The following NFAT5 variants were observed in gnomAD, a reference collection of about 807,000 sequenced individuals.
NFAT5 encodes nuclear factor of activated T cells 5.
NFAT5 carries 31 observed loss-of-function variants against 166.5 expected under a neutral mutation model. That is an observed-to-expected ratio of 0.19 (90% CI 0.14 to 0.25). The LOEUF (loss-of-function observed/expected upper bound fraction) is 0.25, where lower values mean the gene tolerates loss of function less well. Ranked by LOEUF, NFAT5 falls within the 10% of genes least tolerant of loss-of-function variation. The pLI, the probability that NFAT5 is intolerant of heterozygous loss-of-function variation, is 1.00. For synonymous variants in NFAT5, 612 were observed against 639.7 expected, an observed-to-expected ratio of 0.96 and a Z score of 0.65; for missense variants, 1,449 against 1,821.8, an observed-to-expected ratio of 0.80 and a Z score of 3.72.
chr16:69,646,786 A>G (rs1166444936), intron 3 of NFAT5, among the ~76,000 whole-genome samples: 1 of 152,262 alleles, frequency 6.6e-6, no homozygotes, highest in Non-Finnish European at 1.5e-5. Context: ...AAAACGTTAA[A>G]TGAGATTTTA....
chr16:69,669,070 A>AT (rs1357685974), intron 7 of NFAT5, among the ~76,000 whole-genome samples: 3 of 151,782 alleles, frequency 2.0e-5, no homozygotes, highest in African/African-American at 4.8e-5. Context: ...AATTTTTTTG[A>AT]TTTTTTTGTA....
At chr16:69,652,453 G>GAA (rs74216983) in intron 4 of NFAT5, among the ~76,000 whole-genome samples, 3 of 60,636 alleles carry the variant, frequency 4.9e-5, no homozygotes, top group Admixed American at 1.9e-4. Context: ...CTCCATCTCA[G>GAA]AAAAAAAAAA....
chr16:69,602,286 T>G (rs2033169988), intron 2 of NFAT5, among the ~76,000 whole-genome samples: 1 of 151,318 alleles, frequency 6.6e-6, no homozygotes, highest in Non-Finnish European at 1.5e-5. Context: ...TTTTTTTTTT[T>G]GAAATGGAGT....
intron 3 of NFAT5, among the ~76,000 whole-genome samples, chr16:69,627,349 T>TTTTGA: frequency 5.8e-4 from 1 of 1,718 alleles, no homozygotes; most frequent in African/African-American, 2.8e-3. Flanking sequence ...TATATATATA[T>TTTTGA]ATATATATAT....
intron 2 of NFAT5, among the ~76,000 whole-genome samples, chr16:69,612,349 G>T (rs1279396413): frequency 1.3e-5 from 2 of 152,108 alleles, no homozygotes; most frequent in African/African-American, 4.8e-5. Flanking sequence ...CAAAAAGATG[G>T]TACATGTAGG....
intron 2 of NFAT5, among the ~76,000 whole-genome samples, chr16:69,584,552 A>G (rs2031915924): frequency 6.6e-6 from 1 of 151,984 alleles, no homozygotes; most frequent in Non-Finnish European, 1.5e-5. Context: ...CTGGTCTCGA[A>G]TTCCTGACCT....
At position 69,687,046 on chromosome 16, in the gene NFAT5, TAGA is replaced by T. The variant is rs750620132; in HGVS notation, c.1774+2080_1774+2082del. On this transcript the variant is annotated intron_variant, in intron 11 of 14. Transcript: ENST00000349945. ...AATGTACTACTAAATTGAAGTTGAC[TAGA>T]AGATTATTATTGAATTAACAAGATG... 2.6e-5 allele frequency among the ~76,000 whole-genome samples: 4 copies of T among 152,296 alleles called. No homozygotes were observed. In the South Asian group the frequency reaches 8.3e-4, roughly 32 times the overall value.
At chr16:69,568,334 G>GTATATATATATATA in intron 1 of NFAT5, among the ~76,000 whole-genome samples, 161 bp from the exon 2 acceptor site, 1 of 133,428 alleles carries the variant, frequency 7.5e-6, no homozygotes, top group East Asian at 2.4e-4. Flanking sequence ...ATGTATGTGT[G>GTATATATATATATA]TATATATATA....
chr16:69,628,462 T>C (rs1392137829), intron 3 of NFAT5, among the ~76,000 whole-genome samples: 1 of 152,164 alleles, frequency 6.6e-6, no homozygotes, highest in Admixed American at 6.6e-5. Context: ...TAACAAGTCA[T>C]TTAAAATCTT....
intron 11 of NFAT5, among the ~76,000 whole-genome samples, chr16:69,688,213 AAAAAAAAAAAAAAC>A (rs979241281): frequency 3.2e-4 from 31 of 95,918 alleles, no homozygotes; most frequent in Non-Finnish European, 5.1e-4. Context: ...AAAAAAAAAA[AAAAAAAAAAAAAAC>A]CAGGAGTTTG....
intron 2 of NFAT5, among the ~76,000 whole-genome samples, chr16:69,625,891 A>C (rs908378181): frequency 6.6e-6 from 1 of 151,874 alleles, no homozygotes; most frequent in Non-Finnish European, 1.5e-5. Context: ...AGAAGAAAAC[A>C]GGGACAGAAC....
intron 12 of NFAT5, 65 bp from the exon 13 acceptor site, chr16:69,691,684 G>T (rs908153275): frequency 1.5e-5 from 19 of 1,260,360 alleles, no homozygotes; most frequent in African/African-American, 3.0e-5. Context: ...AGTGATTTTT[G>T]ATGTATGTTA....
Position 69,680,996 on chromosome 16 carries a change from G to A in NFAT5, c.1690+3661G>A, listed in dbSNP as rs1464718091. Among the ~76,000 whole-genome samples, 4 of 152,228 alleles carry A rather than the reference G, an allele frequency of 2.6e-5. No homozygotes were observed. The South Asian group carries it at 8.3e-4, about 32-fold the overall frequency. ...GCTGGTCTCTAACTCCTGACCTCAA[G>A]TGATCCGCCCGCCTCAGCCTCCCAA... On this transcript the variant is annotated intron_variant, in intron 10 of 14. Transcript: ENST00000349945.
chr16:69,568,008 G>A (rs1217122702), intron 1 of NFAT5, among the ~76,000 whole-genome samples: 1 of 152,118 alleles, frequency 6.6e-6, no homozygotes, highest in African/African-American at 2.4e-5. Flanking sequence ...ATGGGCTTTA[G>A]CGCTTAAAAA....
chr16:69,569,703 C>T (rs2016322059), intron 2 of NFAT5, among the ~76,000 whole-genome samples: 1 of 152,132 alleles, frequency 6.6e-6, no homozygotes, highest in South Asian at 2.1e-4. Flanking sequence ...TAGCGTCTAG[C>T]TTAATAAATG....
At chr16:69,679,843 G>A (rs1004198114) in intron 10 of NFAT5, among the ~76,000 whole-genome samples, 8 of 152,288 alleles carry the variant, frequency 5.3e-5, no homozygotes, top group Non-Finnish European at 1.0e-4. Context: ...GGCTGGGCAT[G>A]GTGGCTCACG....
rs2142889985 is a variant in NFAT5 at position 69,568,508 on chromosome 16, A to G, written c.87A>G (p.Leu29=). ...KSLYSRDSLK[L]HPSQNFHRAG... ...TGTGTTTTTCAGATTCTCTGAAGTT[A>G]CACCCATCACAGAATTTTCATAGAG... Residue 29 remains leucine, a synonymous_variant, in exon 2 of 15, where the codon TTA becomes TTG. Coordinates refer to ENST00000349945, the MANE Select transcript of NFAT5 (RefSeq NM_138713.4). 1 of 1,613,188 alleles carries G rather than the reference A, an allele frequency of 6.2e-7. No homozygotes were observed. The highest frequency in any genetic ancestry group is 8.5e-7 in the Non-Finnish European group (1 of 1,179,586).
intron 2 of NFAT5, among the ~76,000 whole-genome samples, chr16:69,590,893 C>T (rs1348389648): frequency 6.6e-6 from 1 of 152,112 alleles, no homozygotes; most frequent in Non-Finnish European, 1.5e-5. Flanking sequence ...CGATCTGGAC[C>T]TTAATGTGTG....
chr16:69,692,891 C>T lies in NFAT5; in HGVS notation c.3066C>T (p.Val1022=). 6.2e-7 allele frequency: 1 copy of T among 1,614,190 alleles called. No homozygotes were observed. Among genetic ancestry groups the T allele is most frequent in the Non-Finnish European group, 8.5e-7 (1 of 1,180,038 alleles). ...AAGCAAAACAGATTCAGAACAGTGT[C>T]TTTCAGACCATGGTCCAAATGCAAC... ...GTQAKQIQNS[V]FQTMVQMQHS... Residue 1022 remains valine (V), a synonymous_variant, in exon 13 of 15, where the codon GTC becomes GTT. Coordinates refer to ENST00000349945, the MANE Select transcript of NFAT5 (RefSeq NM_138713.4).
Sources: allele counts gnomAD v4.1 joint callset (sites outside exome capture counted in the v4.1 genomes callset), GRCh38; gene constraint gnomAD v4.1.1; transcripts MANE v1.5; gene names NCBI Gene and HGNC (gene_info 2026-07-23, HGNC 2026-07-21).